GTF3C1: variants seen among roughly 807,000 people sequenced by gnomAD.
GTF3C1 encodes the protein general transcription factor IIIC subunit 1.
A neutral mutation model predicts 226.7 loss-of-function variants in GTF3C1; 57 were observed. That is an observed-to-expected ratio of 0.25 (90% confidence interval 0.20 to 0.31). The LOEUF (loss-of-function observed/expected upper bound fraction) is 0.31, where lower values mean the gene tolerates loss of function less well. GTF3C1 is among the 10% of genes least tolerant of loss of function. The probability of loss-of-function intolerance (pLI) is 1.00; values close to 1 mark genes in which losing one functional copy is unlikely to be tolerated. For synonymous variants in GTF3C1, 1,090 were observed against 1,084.8 expected, an observed-to-expected ratio of 1.00 and a Z score of -0.09; for missense variants, 2,217 against 2,776.1, an observed-to-expected ratio of 0.80 and a Z score of 4.53.
At position 27,498,676 on chromosome 16, in the gene GTF3C1, TG is replaced by T; in HGVS notation, c.2118del (p.Ile707SerfsTer47). ...GAGATCCGGAAGCGGACCTGCTCGA[TG>T]GCACTTCTCACTAGAGGGTCGTTCT... ...MDQNDPLVRSAIEQVRFRISN... is the reference protein window; with the variant it reads ...MDQNDPLVRSXIEQVRFRISN... On this transcript the variant is annotated frameshift_variant, in exon 13 of 37. Transcript: ENST00000356183. LOFTEE classifies it high-confidence loss of function. The T allele has an allele frequency of 6.2e-7, 1 of 1,608,440 alleles. No homozygotes were observed. The highest frequency in any genetic ancestry group is 8.5e-7 in the Non-Finnish European group (1 of 1,174,808).
At chr16:27,479,377 TTAAGAA>T (rs1246200380) in intron 27 of GTF3C1, among the ~76,000 whole-genome samples, 2 of 152,206 alleles carry the variant, frequency 1.3e-5, no homozygotes, top group Non-Finnish European at 2.9e-5. Context: ...GCAAGTAAAT[TTAAGAA>T]TAAGTCATAG....
chr16:27,545,633 G>A (rs1459989823), intron 1 of GTF3C1, 110 bp from the exon 2 acceptor site: 2 of 683,846 alleles, frequency 2.9e-6, no homozygotes, highest in Admixed American at 4.7e-5. Flanking sequence ...AGTGAGATCA[G>A]TCAGTTTTCC....
At chr16:27,533,238 C>A in intron 5 of GTF3C1, 53 bp downstream of exon 5, 1 of 856,944 alleles carries the variant, frequency 1.2e-6, no homozygotes, top group Non-Finnish European at 2.0e-6. Flanking sequence ...CAAGACCTCC[C>A]GGCTATGGTA....
rs745531613 is a variant in GTF3C1 at position 27,511,854 on chromosome 16, G to A, written c.1021C>T (p.Arg341Trp). The change falls in exon 7 of 37, where the codon CGG (arginine) becomes TGG (tryptophan). Residue 341 changes from arginine to tryptophan, a missense_variant. Around this residue, in one of 12 missense-constraint regions of GTF3C1, gnomAD observed 163 missense variants for 234.3 expected, o/e 0.70. Transcript: ENST00000356183. ...RCLKLLKEFK[R>W]NDHDDDEDEE... Reference sequence around the variant, plus strand: ...TCCTCGTCATCATCATGGTCATTCCGTTTAAATTCCTTCAGCAGCTTGAGG... The same window carrying A: ...TCCTCGTCATCATCATGGTCATTCCATTTAAATTCCTTCAGCAGCTTGAGG... The A allele has an allele frequency of 5.6e-6, 9 of 1,614,012 alleles. No individual in the cohort carries two copies. Among genetic ancestry groups the A allele is most frequent in the Non-Finnish European group, 7.6e-6 (9 of 1,180,024 alleles).
At chr16:27,476,133 T>G (rs572133153) in intron 29 of GTF3C1, among the ~76,000 whole-genome samples, 1 of 152,268 alleles carries the variant, frequency 6.6e-6, no homozygotes, top group South Asian at 2.1e-4. Flanking sequence ...GGAGGAGAGA[T>G]CGCCAAGTGT....
chr16:27,529,433 T>A (rs2088882074), intron 5 of GTF3C1, among the ~76,000 whole-genome samples: 1 of 145,390 alleles, frequency 6.9e-6, no homozygotes, highest in Admixed American at 6.8e-5. Flanking sequence ...AGAGTGAGAC[T>A]CTGTTTCAAA....
At chr16:27,465,786 T>C in intron 32 of GTF3C1, 1 of 538,720 alleles carries the variant, frequency 1.9e-6, no homozygotes, top group Non-Finnish European at 3.3e-6. Context: ...TTGGCCACTG[T>C]GATTCTCCTG....
At chr16:27,484,660 G>A (rs1395460550) in intron 24 of GTF3C1, among the ~76,000 whole-genome samples, 2 of 152,258 alleles carry the variant, frequency 1.3e-5, no homozygotes, top group Non-Finnish European at 2.9e-5. Context: ...CTGTATTAGA[G>A]GGAATCATGG....
chr16:27,521,491 G>A (rs187275031), intron 6 of GTF3C1, among the ~76,000 whole-genome samples: 5 of 152,260 alleles, frequency 3.3e-5, no homozygotes, highest in Admixed American at 1.3e-4. Context: ...GGCTCCTGCT[G>A]TCTGCAGGAC....
At chr16:27,493,442 T>C in intron 16 of GTF3C1, 146 bp from the exon 17 acceptor site, 1 of 627,342 alleles carries the variant, frequency 1.6e-6, no homozygotes, top group South Asian at 1.7e-5. Context: ...CAAGTGCCCC[T>C]GCATCTCTGC....
At chr16:27,494,428 A>C (rs2141383064) in intron 16 of GTF3C1, among the ~76,000 whole-genome samples, 1 of 151,352 alleles carries the variant, frequency 6.6e-6, no homozygotes, top group East Asian at 1.9e-4. Context: ...AAAAAAAACA[A>C]AAAAAACCAC....
intron 8 of GTF3C1, 127 bp downstream of exon 8, chr16:27,508,413 G>GGGA (rs2088520116): frequency 1.4e-6 from 1 of 689,918 alleles, no homozygotes; most frequent in Non-Finnish European, 2.6e-6. Flanking sequence ...CTCAGCCCTG[G>GGGA]GGAGGCCATT....
At position 27,542,075 on chromosome 16, in the gene GTF3C1, G is replaced by C. The variant is rs534457064; in HGVS notation, c.431+3239C>G. 7.8e-4 allele frequency among the ~76,000 whole-genome samples: 119 copies of C among 152,364 alleles called. 1 individual carries two copies. The highest frequency in any genetic ancestry group is 1.4e-3 in the Admixed American group (21 of 15,304). ...GGCACACAAAGCTCCTCTGTGGGCA[G>C]ATTTGGTCAGTTTGAAACCTCTGCC... On this transcript the variant is annotated intron_variant, in intron 2 of 36. Coordinates refer to ENST00000356183, the MANE Select transcript of GTF3C1 (RefSeq NM_001520.4).
chr16:27,522,828 T>A (rs2088770071), intron 6 of GTF3C1, among the ~76,000 whole-genome samples: 1 of 152,254 alleles, frequency 6.6e-6, no homozygotes, highest in Admixed American at 6.5e-5. Flanking sequence ...GTTAAATATA[T>A]TTCTAAGTTA....
At chr16:27,513,071 A>AT (rs923902050) in intron 6 of GTF3C1, among the ~76,000 whole-genome samples, 12 of 152,178 alleles carry the variant, frequency 7.9e-5, no homozygotes, top group Non-Finnish European at 1.8e-4. Context: ...GGCATTGTGG[A>AT]TTTTTGAGGG....
intron 9 of GTF3C1, 96 bp downstream of exon 9, chr16:27,506,751 G>C (rs1474443390): frequency 3.6e-6 from 3 of 839,680 alleles, no homozygotes; most frequent in Non-Finnish European, 1.8e-6. Context: ...TGGCACCAAG[G>C]GCAACCGCAG....
chr16:27,540,074 C>G (rs935089249), intron 2 of GTF3C1, among the ~76,000 whole-genome samples: 1 of 152,160 alleles, frequency 6.6e-6, no homozygotes, highest in African/African-American at 2.4e-5. Context: ...GTCACGAGGT[C>G]CTGCTGCAGC....
At chr16:27,531,414 G>C (rs1005215275) in intron 5 of GTF3C1, among the ~76,000 whole-genome samples, 1 of 152,226 alleles carries the variant, frequency 6.6e-6, no homozygotes, top group Non-Finnish European at 1.5e-5. Context: ...CAGCTCAACT[G>C]TGCTTTTGGC....
chr16:27,471,725 C>G lies in GTF3C1; in HGVS notation c.4526+23G>C, dbSNP rs2087873660. On this transcript the variant is annotated intron_variant, in intron 30 of 36. Coordinates refer to ENST00000356183, the MANE Select transcript of GTF3C1 (RefSeq NM_001520.4). This position sits in a 1 kb window ranked among gnomAD's most constrained non-coding sequence, Gnocchi z 5.0. ...GGGCGTGGCTCCACCTCGGAGTACCCAAGGCTCCTGACAGGTACTCACCTG... is the reference window on the plus strand; with the variant it reads ...GGGCGTGGCTCCACCTCGGAGTACCGAAGGCTCCTGACAGGTACTCACCTG... The G allele has an allele frequency of 6.3e-7, 1 of 1,595,270 alleles. No individual in the cohort carries two copies. The highest frequency in any genetic ancestry group is 1.1e-5 in the South Asian group (1 of 90,652).
Sources: allele counts gnomAD v4.1 joint callset (sites outside exome capture counted in the v4.1 genomes callset), GRCh38; gene constraint gnomAD v4.1.1; regional missense constraint gnomAD v4.1.1; non-coding constraint Gnocchi (gnomAD v3.1); transcripts MANE v1.5; gene names NCBI Gene and HGNC (gene_info 2026-07-23, HGNC 2026-07-21).